Variants in ALDH18A1 observed in about 807,000 individuals in gnomAD.
The protein encoded by ALDH18A1 is aldehyde dehydrogenase 18 family member A1, also known as delta-1-pyrroline-5-carboxylate synthase.
ALDH18A1 carries 44 observed loss-of-function variants against 88.8 expected under a neutral mutation model. The observed-to-expected ratio is 0.50, with a 90% CI of 0.39 to 0.64. ALDH18A1 has a LOEUF of 0.64. ALDH18A1 is among the 30% of genes least tolerant of loss of function. ALDH18A1 has a pLI of 0.00. For synonymous variants in ALDH18A1, 331 were observed against 372.1 expected, an observed-to-expected ratio of 0.89 and a Z score of 1.27; for missense variants, 782 against 1,009.5, an observed-to-expected ratio of 0.77 and a Z score of 3.05.
Position 95,655,681 on chromosome 10 carries a change from A to AGTGTGTGTGTGTGT in ALDH18A1, c.-29+902_-29+915dup, listed in dbSNP as rs3838754. ...ACAGTTGATCCCAAGGAGCAAAGAG[A>AGTGTGTGTGTGTGT]GTGTGTGTGTGTGTGTGTGTGTGTG... On this transcript the variant is annotated intron_variant, in intron 1 of 17. Transcript: ENST00000371224. 5.5e-3 allele frequency among the ~76,000 whole-genome samples: 829 copies of AGTGTGTGTGTGTGT among 150,258 alleles called. 10 individuals are homozygous for AGTGTGTGTGTGTGT. Among genetic ancestry groups the AGTGTGTGTGTGTGT allele is most frequent in the African/African-American group, 0.019 (782 of 40,700 alleles).
At chr10:95,609,034 C>T (rs1414141860) in intron 17 of ALDH18A1, among the ~76,000 whole-genome samples, 1 of 152,146 alleles carries the variant, frequency 6.6e-6, no homozygotes, top group Non-Finnish European at 1.5e-5. Flanking sequence ...TGCCACCATG[C>T]TCAGCTAATT....
chr10:95,606,676 G>A lies in ALDH18A1; in HGVS notation c.*86C>T. The A allele has an allele frequency of 6.2e-7, 1 of 1,611,712 alleles. No homozygotes were observed. The highest frequency in any genetic ancestry group is 1.1e-5 in the South Asian group (1 of 90,434). On this transcript the variant is annotated 3_prime_UTR_variant, in exon 18 of 18. Transcript: ENST00000371224. Reference sequence around the variant, plus strand: ...CAACAGGCAGACCCTACCAGGAACTGGGAGACAAGAGCGGGCTCTCTCCTG... The same window carrying A: ...CAACAGGCAGACCCTACCAGGAACTAGGAGACAAGAGCGGGCTCTCTCCTG...
Position 95,625,445 on chromosome 10 carries a change from A to G in ALDH18A1, c.1163T>C (p.Ile388Thr), listed in dbSNP as rs2097859011. Residue 388 changes from isoleucine to threonine, a missense_variant, in exon 11 of 18, where the codon ATT becomes ACT. Physicochemically the swap from Ile to Thr is moderately conservative, Grantham distance 89. Transcript: ENST00000371224. ...ATLEPEQRAE[I>T]IHHLADLLTD... Reference sequence around the variant, plus strand: ...CAACAGATCAGCCAGATGATGGATAATTTCTGCTCTCTAGAAGAAAGGTAC... The same window carrying G: ...CAACAGATCAGCCAGATGATGGATAGTTTCTGCTCTCTAGAAGAAAGGTAC... 1 of 1,613,736 alleles carries G rather than the reference A, an allele frequency of 6.2e-7. No individual in the cohort carries two copies. Among genetic ancestry groups the G allele is most frequent in the South Asian group, 1.1e-5 (1 of 91,070 alleles).
intron 7 of ALDH18A1, among the ~76,000 whole-genome samples, chr10:95,629,318 G>T (rs1389076367): frequency 2.0e-5 from 3 of 152,054 alleles, no homozygotes; most frequent in Non-Finnish European, 2.9e-5. Context: ...GATTTTTCTG[G>T]TCTCAAGTTA....
chr10:95,644,735 T>A (rs1251688918), intron 2 of ALDH18A1, among the ~76,000 whole-genome samples: 1 of 152,230 alleles, frequency 6.6e-6, no homozygotes, highest in East Asian at 1.9e-4. Flanking sequence ...GCTAACAAGA[T>A]ACATGTGAAA....
intron 1 of ALDH18A1, among the ~76,000 whole-genome samples, chr10:95,655,683 T>A (rs200455415): frequency 3.8e-3 from 31 of 8,266 alleles, no homozygotes; most frequent in Non-Finnish European, 0.014. Flanking sequence ...GCAAAGAGAG[T>A]GTGTGTGTGT....
At chr10:95,634,705 G>A (rs952415110) in intron 5 of ALDH18A1, among the ~76,000 whole-genome samples, 4 of 152,232 alleles carry the variant, frequency 2.6e-5, no homozygotes, top group Non-Finnish European at 5.9e-5. Context: ...TGGAGAGCTG[G>A]TGTGTGGGCT....
chr10:95,618,299 G>A (rs534509001), intron 12 of ALDH18A1, among the ~76,000 whole-genome samples: 1 of 152,222 alleles, frequency 6.6e-6, no homozygotes, highest in South Asian at 2.1e-4. Context: ...GCTGTGATAT[G>A]TCAACTTGCT....
intron 7 of ALDH18A1, among the ~76,000 whole-genome samples, chr10:95,630,313 G>C (rs979715869): frequency 6.6e-6 from 1 of 152,120 alleles, no homozygotes; most frequent in Non-Finnish European, 1.5e-5. Flanking sequence ...TGTAAAACTG[G>C]GTTAGCCTAC....
Position 95,606,840 on chromosome 10 carries a change from C to G in ALDH18A1, c.2310G>C (p.Val770=), listed in dbSNP as rs765661446. ...TTCCATGCTCTGAGAAATCTGAGACCACGTGGTCCTTCCCTCGCAGCAGCC... is the reference window on the plus strand; with the variant it reads ...TTCCATGCTCTGAGAAATCTGAGACGACGTGGTCCTTCCCTCGCAGCAGCC... ...TKWLLRGKDH[V]VSDFSEHGSL... is the part of the protein sequence containing the mutation. The change falls in exon 18 of 18, where the codon GTG becomes GTC. Residue 770 remains valine (V), a synonymous_variant. Transcript: ENST00000371224. The G allele has an allele frequency of 7.4e-6, 12 of 1,614,162 alleles. No individual in the cohort carries two copies. Among genetic ancestry groups the G allele is most frequent in the Non-Finnish European group, 8.5e-6 (10 of 1,180,026 alleles).
chr10:95,648,868 A>T (rs1433434338), intron 2 of ALDH18A1, among the ~76,000 whole-genome samples: 1 of 152,214 alleles, frequency 6.6e-6, no homozygotes, highest in South Asian at 2.1e-4. Flanking sequence ...CATCCCACAG[A>T]ATTGTGACCT....
chr10:95,626,877 G>A (rs1410201517), intron 9 of ALDH18A1, 101 bp from the exon 10 acceptor site: 37 of 1,178,580 alleles, frequency 3.1e-5, no homozygotes, highest in Non-Finnish European at 3.9e-5. Flanking sequence ...AGCTCATCAC[G>A]CCCACAGAAG....
intron 17 of ALDH18A1, among the ~76,000 whole-genome samples, chr10:95,609,474 G>A (rs1051521496): frequency 6.6e-6 from 1 of 152,198 alleles, no homozygotes; most frequent in African/African-American, 2.4e-5. Context: ...GCTCTCAAGG[G>A]ACACAGCATG....
chr10:95,639,176 T>TA (rs568887313), intron 3 of ALDH18A1, among the ~76,000 whole-genome samples: 131 of 151,490 alleles, frequency 8.6e-4, no homozygotes, highest in African/African-American at 3.0e-3. Flanking sequence ...TATGAAAAAT[T>TA]AAAAAAAATA....
At chr10:95,607,578 C>G (rs1372590475) in intron 17 of ALDH18A1, among the ~76,000 whole-genome samples, 2 of 152,134 alleles carry the variant, frequency 1.3e-5, no homozygotes, top group African/African-American at 2.4e-5. Context: ...GTACTAGGCA[C>G]TGTGTTGAGC....
rs1298557083 is a variant in ALDH18A1, at chr10:95,656,630, C to G, written c.-62G>C. The G allele has an allele frequency of 2.6e-5, 4 of 152,818 alleles. No homozygotes were observed. In the South Asian group the frequency reaches 8.2e-4, roughly 32 times the overall value. The allele number at this position is 152,818 out of a possible 1,614,324, so 9.5% of individuals were successfully genotyped here. On this transcript the variant is annotated 5_prime_UTR_variant, in exon 1 of 18. Transcript: ENST00000371224. ...CCACCGCCGCCTTCGCCCCCTGGCA[C>G]TACCGCGGGTCCGCACTCCACGCCG... is the stretch of plus-strand genomic sequence containing the variant.
Position 95,637,304 on chromosome 10 carries a change from T to A in ALDH18A1, c.436A>T (p.Asn146Tyr). The change falls in exon 4 of 18, where the codon AAC becomes TAC. Residue 146 changes from asparagine (N) to tyrosine (Y), a missense_variant. By Grantham distance (143) the Asn-to-Tyr change is moderately radical (BLOSUM62 -2). Transcript: ENST00000371224. ...GCACTCACCATTTCTTTCAGCTGGT[T>A]CTGCCCCGAGTGGAGGGCCTGCCGC... ...SVRQALHSGQ[N>Y]QLKEMAIPVL... 1 of 1,614,194 alleles carries A rather than the reference T, an allele frequency of 6.2e-7. No individual in the cohort carries two copies. The highest frequency in any genetic ancestry group is 8.5e-7 in the Non-Finnish European group (1 of 1,180,032).
At chr10:95,630,483 C>A (rs2097867073) in intron 7 of ALDH18A1, among the ~76,000 whole-genome samples, 2 of 152,196 alleles carry the variant, frequency 1.3e-5, no homozygotes, top group Admixed American at 1.3e-4. Context: ...GAGGCCAAGG[C>A]AGGAGGATCA....
chr10:95,628,285 C>T, intron 8 of ALDH18A1, 83 bp downstream of exon 8: 1 of 1,595,022 alleles, frequency 6.3e-7, no homozygotes, highest in Non-Finnish European at 8.6e-7. Flanking sequence ...CCATTAACCC[C>T]CAAATAATTA....
Sources: gnomAD v4.1 joint callset for allele counts (sites outside exome capture counted in the v4.1 genomes callset) on GRCh38, gnomAD v4.1.1 for gene constraint, MANE v1.5 for transcripts, NCBI Gene and HGNC (gene_info 2026-07-23, HGNC 2026-07-21) for gene names.